The following NEURL1 variants were observed in gnomAD, a reference collection of about 807,000 sequenced individuals.
NEURL1 encodes the protein E3 ubiquitin-protein ligase NEURL1.
In NEURL1, 26 loss-of-function variants were observed where a neutral mutation model predicts 41.2. The ratio of observed to expected loss-of-function variants is 0.63; its 90% CI spans 0.46 to 0.87. The LOEUF (loss-of-function observed/expected upper bound fraction) is 0.87, where lower values mean the gene tolerates loss of function less well. Among genes scored for constraint, NEURL1 ranks in the 40% least tolerant of loss-of-function variants. The pLI is 0.00. For missense variants in NEURL1, 761 were observed against 871.1 expected (o/e 0.87, Z 1.59); for synonymous variants, 400 against 402.3 (o/e 0.99, Z 0.07).
intron 1 of NEURL1, among the ~76,000 whole-genome samples, chr10:103,562,801 A>G (rs2035332432): frequency 6.6e-6 from 1 of 152,214 alleles, no homozygotes; most frequent in South Asian, 2.1e-4. Context: ...AGGCAGATAT[A>G]TAGGTGGGAA....
At chr10:103,537,202 A>G (rs1167650747) in intron 1 of NEURL1, among the ~76,000 whole-genome samples, 1 of 152,128 alleles carries the variant, frequency 6.6e-6, no homozygotes, top group African/African-American at 2.4e-5. Context: ...TGTTTTGGTC[A>G]TTGTGAATAA....
At chr10:103,572,743 T>C (rs911466530) in intron 3 of NEURL1, among the ~76,000 whole-genome samples, 1 of 152,246 alleles carries the variant, frequency 6.6e-6, no homozygotes, top group South Asian at 2.1e-4. Flanking sequence ...TGCGCACACA[T>C]AGACTCTGGG....
chr10:103,570,586 T>G, intron 1 of NEURL1, among the ~76,000 whole-genome samples: 2 of 124,962 alleles, frequency 1.6e-5, no homozygotes, highest in East Asian at 2.4e-4. Flanking sequence ...GGGTGGTAAA[T>G]ACTAGTGGGG....
At chr10:103,503,286 C>T (rs2033867270) in intron 1 of NEURL1, among the ~76,000 whole-genome samples, 1 of 152,128 alleles carries the variant, frequency 6.6e-6, no homozygotes. Context: ...GGAGTCATCC[C>T]CCGGATGGCT....
At chr10:103,583,560 T>C (rs769244391) in intron 3 of NEURL1, among the ~76,000 whole-genome samples, 3 of 150,990 alleles carry the variant, frequency 2.0e-5, no homozygotes, top group Non-Finnish European at 3.0e-5. Context: ...ACCCCAAAAA[T>C]ACAAAAATTA....
At chr10:103,580,046 C>T (rs1222235953) in intron 3 of NEURL1, among the ~76,000 whole-genome samples, 1 of 152,208 alleles carries the variant, frequency 6.6e-6, no homozygotes, top group Non-Finnish European at 1.5e-5. Flanking sequence ...CTCCCTCTCC[C>T]AGACTCCCTG....
chr10:103,522,618 AAAAAG>A (rs1386778371), intron 1 of NEURL1, among the ~76,000 whole-genome samples: 5 of 151,962 alleles, frequency 3.3e-5, no homozygotes, highest in African/African-American at 1.2e-4. Flanking sequence ...AAAAAAAAAA[AAAAAG>A]AAGTCGTCTT....
chr10:103,504,843 A>C (rs1037110748), intron 1 of NEURL1, among the ~76,000 whole-genome samples: 4 of 152,078 alleles, frequency 2.6e-5, no homozygotes, highest in African/African-American at 9.7e-5. Context: ...TAAGGGGGGA[A>C]CTTGACTTGG....
chr10:103,514,163 ACTGCAACCTCCGCCTC>A (rs2034142832), intron 1 of NEURL1, among the ~76,000 whole-genome samples: 1 of 150,846 alleles, frequency 6.6e-6, no homozygotes, highest in Non-Finnish European at 1.5e-5. Flanking sequence ...ATCTTGGCTC[ACTGCAACCTCCGCCTC>A]CTGGGGTTCA....
intron 1 of NEURL1, among the ~76,000 whole-genome samples, chr10:103,536,559 CCTAT>C (rs199847655): frequency 6.6e-6 from 1 of 151,932 alleles, no homozygotes; most frequent in Non-Finnish European, 1.5e-5. Flanking sequence ...TCTCTCTCTA[CCTAT>C]CTATCTATCT....
chr10:103,574,863 G>A (rs2035625737), intron 3 of NEURL1, among the ~76,000 whole-genome samples: 1 of 152,172 alleles, frequency 6.6e-6, no homozygotes, highest in South Asian at 2.1e-4. Flanking sequence ...CACCCGATAA[G>A]GCTAAGGCCC....
At chr10:103,569,885 T>A (rs1330969696) in intron 1 of NEURL1, among the ~76,000 whole-genome samples, 5 of 152,154 alleles carry the variant, frequency 3.3e-5, no homozygotes, top group Admixed American at 2.6e-4. Context: ...CTGGGGCCTC[T>A]GGAGAAGCGG....
intron 1 of NEURL1, among the ~76,000 whole-genome samples, chr10:103,533,650 C>T (rs1035735720): frequency 2.6e-5 from 4 of 152,192 alleles, no homozygotes; most frequent in Admixed American, 1.3e-4. Flanking sequence ...CATTCTCCTG[C>T]CTCAGCCTCC....
intron 1 of NEURL1, among the ~76,000 whole-genome samples, chr10:103,495,601 C>A (rs2033664100): frequency 1.3e-5 from 2 of 152,152 alleles, no homozygotes; most frequent in South Asian, 2.1e-4. Context: ...AGGCTGTAGA[C>A]CCCTATCTTT....
At chr10:103,571,156 CT>C in intron 2 of NEURL1, 43 bp downstream of exon 2, 1 of 1,588,820 alleles carries the variant, frequency 6.3e-7, no homozygotes, top group Non-Finnish European at 8.6e-7. Context: ...CTGCTTCCTG[CT>C]CCCCTCATGG....
At chr10:103,500,546 C>T (rs1337220784) in intron 1 of NEURL1, among the ~76,000 whole-genome samples, 1 of 152,134 alleles carries the variant, frequency 6.6e-6, no homozygotes, top group African/African-American at 2.4e-5. Flanking sequence ...GTAATTTTTG[C>T]GTCTCTGGAC....
chr10:103,565,702 G>A (rs887633436), intron 1 of NEURL1, among the ~76,000 whole-genome samples: 3 of 152,152 alleles, frequency 2.0e-5, no homozygotes, highest in South Asian at 2.1e-4. Context: ...TATTGCCCAG[G>A]ATAGAGTGCA....
chr10:103,544,450 C>A (rs1198547018), intron 1 of NEURL1, among the ~76,000 whole-genome samples: 1 of 152,136 alleles, frequency 6.6e-6, no homozygotes, highest in Non-Finnish European at 1.5e-5. Flanking sequence ...ATTGCCTCCC[C>A]CCAAATGATC....
intron 1 of NEURL1, among the ~76,000 whole-genome samples, chr10:103,569,653 G>A (rs2035496172): frequency 6.6e-6 from 1 of 152,230 alleles, no homozygotes; most frequent in Non-Finnish European, 1.5e-5. Flanking sequence ...TTTCCAGACT[G>A]TCTGGGGCTC....
Sources: allele counts gnomAD v4.1 joint callset (sites outside exome capture counted in the v4.1 genomes callset), GRCh38; gene constraint gnomAD v4.1.1; transcripts MANE v1.5; gene names NCBI Gene and HGNC (gene_info 2026-07-23, HGNC 2026-07-21).